The following TUSC3 variants were observed in gnomAD, a reference collection of about 807,000 sequenced individuals.
TUSC3 encodes tumor suppressor candidate 3.
TUSC3 carries 45 observed loss-of-function variants against 44.8 expected under a neutral mutation model. The observed-to-expected ratio is 1.00, with a 90% CI of 0.79 to 1.29. TUSC3 has a LOEUF of 1.29. TUSC3 is among the 50% of genes most tolerant of loss of function. TUSC3 has a pLI of 0.00. For missense variants in TUSC3, 519 were observed against 437.9 expected (o/e 1.19, Z -1.65); for synonymous variants, 212 against 152.9 (o/e 1.39, Z -2.85).
chr8:15,680,287 A>G (rs1808367671), intron 6 of TUSC3, among the ~76,000 whole-genome samples: 1 of 151,946 alleles, frequency 6.6e-6, no homozygotes, highest in East Asian at 1.9e-4. Context: ...TTGTCCTTAT[A>G]GAGATCTTTC....
At chr8:15,471,651 G>C (rs997170249) in intron 1 of TUSC3, among the ~76,000 whole-genome samples, 1 of 145,554 alleles carries the variant, frequency 6.9e-6, no homozygotes, top group African/African-American at 2.6e-5. Context: ...GAGTTTCGCT[G>C]TTTTCACCCA....
At chr8:15,799,291 G>C in the TUSC3 span, among the ~76,000 whole-genome samples, 2 of 152,110 alleles carry the variant, frequency 1.3e-5, no homozygotes, top group Admixed American at 1.3e-4. Context: ...AATTATCCTA[G>C]TTCTGCCCAG....
chr8:15,648,109 G>T (rs895962006), intron 2 of TUSC3, among the ~76,000 whole-genome samples: 1 of 152,058 alleles, frequency 6.6e-6, no homozygotes, highest in African/African-American at 2.4e-5. Flanking sequence ...TGTGATGCCT[G>T]TTTGAAAAAG....
intron 1 of TUSC3, among the ~76,000 whole-genome samples, chr8:15,607,420 T>G (rs1804577157): frequency 1.3e-5 from 2 of 152,158 alleles, no homozygotes; most frequent in African/African-American, 4.8e-5. Context: ...AGTGTGTGTA[T>G]AGTTTACATA....
intron 1 of TUSC3, among the ~76,000 whole-genome samples, chr8:15,420,206 G>A (rs1174117776): frequency 3.9e-5 from 6 of 152,018 alleles, no homozygotes; most frequent in African/African-American, 9.7e-5. Context: ...TTAAATAAGA[G>A]TTCTATGTGG....
At chr8:15,589,892 A>C (rs1388970049) in intron 1 of TUSC3, among the ~76,000 whole-genome samples, 1 of 152,240 alleles carries the variant, frequency 6.6e-6, no homozygotes, top group East Asian at 1.9e-4. Context: ...AATTCTCACT[A>C]TCCCTAGTGA....
At chr8:15,500,557 A>G (rs1213408908) in intron 2 of TUSC3, among the ~76,000 whole-genome samples, 1 of 152,166 alleles carries the variant, frequency 6.6e-6, no homozygotes, top group East Asian at 1.9e-4. Flanking sequence ...ACAAAGAATG[A>G]TTGTCTCTTA....
At position 15,540,359 on chromosome 8, in the gene TUSC3, G is replaced by C. The variant is rs995599007; in HGVS notation, c.-72G>C. On this transcript the variant is annotated 5_prime_UTR_variant, in exon 1 of 11. Coordinates refer to ENST00000503731, the MANE Select transcript of TUSC3 (RefSeq NM_006765.4). ...CCAGCGGGCTCCCGGAGGCTGGCCG[G>C]GCAGGCGTGGTGCGCGGTAGGAGCT... is the stretch of plus-strand genomic sequence containing the variant. 7.0e-6 allele frequency: 10 copies of C among 1,422,998 alleles called. No homozygotes were observed. The highest frequency in any genetic ancestry group is 1.5e-5 in the South Asian group (1 of 67,558). The allele number at this position is 1,422,998 out of a possible 1,614,324, so 88.1% of individuals were successfully genotyped here.
chr8:15,462,977 A>G (rs1168281904), intron 1 of TUSC3, among the ~76,000 whole-genome samples: 2 of 151,994 alleles, frequency 1.3e-5, no homozygotes, highest in Non-Finnish European at 2.9e-5. Context: ...TATTTGGGCA[A>G]TGGCTTCAAT....
At chr8:15,588,819 C>A (rs1057022050) in intron 1 of TUSC3, among the ~76,000 whole-genome samples, 3 of 152,018 alleles carry the variant, frequency 2.0e-5, no homozygotes, top group Non-Finnish European at 1.5e-5. Context: ...GTGTCCTTTC[C>A]CCCAGTGTTT....
the TUSC3 span, among the ~76,000 whole-genome samples, chr8:15,805,749 T>C: frequency 6.6e-6 from 1 of 152,138 alleles, no homozygotes; most frequent in East Asian, 1.9e-4. Flanking sequence ...TCTATTTTCA[T>C]CATAGATATT....
chr8:15,624,002 A>G (rs939412066), intron 2 of TUSC3, among the ~76,000 whole-genome samples: 5 of 152,244 alleles, frequency 3.3e-5, no homozygotes, highest in East Asian at 1.9e-4. Context: ...ACCTCTGGCA[A>G]TCACTAGTCT....
At chr8:15,660,103 T>C (rs1807352976) in intron 4 of TUSC3, among the ~76,000 whole-genome samples, 1 of 152,208 alleles carries the variant, frequency 6.6e-6, no homozygotes, top group African/African-American at 2.4e-5. Flanking sequence ...GTCATGTCTG[T>C]ATGTAATTTA....
At chr8:15,541,298 G>A (rs924550687) in intron 1 of TUSC3, among the ~76,000 whole-genome samples, 14 of 152,174 alleles carry the variant, frequency 9.2e-5, no homozygotes, top group African/African-American at 3.4e-4. Flanking sequence ...TAAAGTAGGT[G>A]GAGTGTTTGT....
At chr8:15,530,453 C>T (rs1447267825) in intron 2 of TUSC3, among the ~76,000 whole-genome samples, 1 of 152,102 alleles carries the variant, frequency 6.6e-6, no homozygotes, top group Non-Finnish European at 1.5e-5. Flanking sequence ...CGCATGTATT[C>T]ACTTGTTTCA....
rs182714973 is a variant in TUSC3 at position 15,682,082 on chromosome 8, G to A, written c.798+8246G>A. ...TTATTAAGATTTACTTTGTGACCAA[G>A]GATGTGATTGATCTTCGAGTATGTT... On this transcript the variant is annotated intron_variant, in intron 6 of 10. Coordinates refer to ENST00000503731, the MANE Select transcript of TUSC3 (RefSeq NM_006765.4). 1.4e-3 allele frequency among the ~76,000 whole-genome samples: 214 copies of A among 152,180 alleles called. 1 individual carries two copies. Among genetic ancestry groups the A allele is most frequent in the African/African-American group, 5.0e-3 (209 of 41,542 alleles).
At chr8:15,461,375 C>G (rs893590800) in intron 1 of TUSC3, among the ~76,000 whole-genome samples, 1 of 151,998 alleles carries the variant, frequency 6.6e-6, no homozygotes, top group African/African-American at 2.4e-5. Context: ...AATTTGTGTA[C>G]ATTAATTTTG....
the TUSC3 span, among the ~76,000 whole-genome samples, chr8:15,815,662 T>C: frequency 2.0e-5 from 3 of 152,166 alleles, no homozygotes; most frequent in Admixed American, 2.0e-4. Flanking sequence ...GACAGAGCTC[T>C]GACTTTCTAA....
intron 1 of TUSC3, among the ~76,000 whole-genome samples, chr8:15,470,531 T>C (rs1800476280): frequency 6.6e-6 from 1 of 152,006 alleles, no homozygotes; most frequent in African/African-American, 2.4e-5. Flanking sequence ...AGTAGAGAAG[T>C]TTGAGTATGT....
Sources: allele counts gnomAD v4.1 joint callset (sites outside exome capture counted in the v4.1 genomes callset), GRCh38; gene constraint gnomAD v4.1.1; transcripts MANE v1.5; gene names NCBI Gene and HGNC (gene_info 2026-07-23, HGNC 2026-07-21).